Variants in PHYKPL observed in about 807,000 individuals in gnomAD.
The protein encoded by PHYKPL is 5-phosphohydroxy-L-lysine phospho-lyase.
In PHYKPL, 42 loss-of-function variants were observed where a neutral mutation model predicts 51.3. The ratio of observed to expected loss-of-function variants is 0.82; its 90% CI spans 0.64 to 1.06. PHYKPL has a LOEUF of 1.06. Ranked by LOEUF, PHYKPL falls within the 50% of genes least tolerant of loss-of-function variation. The pLI is 0.00. For synonymous variants in PHYKPL, 264 were observed against 236.0 expected, an observed-to-expected ratio of 1.12 and a Z score of -1.09; for missense variants, 655 against 586.6, an observed-to-expected ratio of 1.12 and a Z score of -1.20.
chr5:178,209,478 GT>G, intron 12 of PHYKPL: 1 of 1,578,846 alleles, frequency 6.3e-7, no homozygotes, highest in South Asian at 1.1e-5. Flanking sequence ...GATAGGTCCT[GT>G]TTCCCTGCCT....
rs751359897 is a variant in PHYKPL, at chr5:178,222,360, T to TG, written c.921dup (p.Asn308GlnfsTer68). On this transcript the variant is annotated frameshift_variant, in exon 8 of 13. Transcript: ENST00000308158. LOFTEE classifies it high-confidence loss of function. ...GACTTAGAGCCATCACTCACCGTGT[T>TG]GAAGTACTCAACGCCGGTGGCTTCA... 1 of 1,611,344 alleles carries TG rather than the reference T, an allele frequency of 6.2e-7. No homozygotes were observed. The highest frequency in any genetic ancestry group is 1.3e-5 in the African/African-American group (1 of 75,028).
chr5:178,229,790 G>T, intron 3 of PHYKPL, 150 bp downstream of exon 3: 2 of 892,714 alleles, frequency 2.2e-6, no homozygotes, highest in Non-Finnish European at 3.3e-6. Context: ...AAGCATCAGG[G>T]CCTACAGCCG....
At chr5:178,209,270 T>C in intron 12 of PHYKPL, 1 of 1,290,222 alleles carries the variant, frequency 7.8e-7, no homozygotes. Flanking sequence ...TGAAGGTGTT[T>C]GGGCAGTCAC....
At chr5:178,219,606 C>T (rs1327225078) in intron 8 of PHYKPL, among the ~76,000 whole-genome samples, 5 of 151,940 alleles carry the variant, frequency 3.3e-5, no homozygotes, top group East Asian at 2.0e-4. Flanking sequence ...CCCGCCACCA[C>T]GCCCGGCTAA....
At chr5:178,212,330 T>A (rs984405914) in intron 11 of PHYKPL, among the ~76,000 whole-genome samples, 1 of 152,250 alleles carries the variant, frequency 6.6e-6, no homozygotes, top group African/African-American at 2.4e-5. Flanking sequence ...GTAGCAGTGA[T>A]CACCCAGAGG....
chr5:178,213,413 T>C (rs551308302), intron 10 of PHYKPL, among the ~76,000 whole-genome samples: 11 of 152,354 alleles, frequency 7.2e-5, no homozygotes, highest in African/African-American at 2.6e-4. Context: ...AAGAGTCACC[T>C]GCATTCTCTG....
intron 12 of PHYKPL, chr5:178,209,533 G>C: frequency 6.1e-6 from 7 of 1,156,564 alleles, no homozygotes; most frequent in Non-Finnish European, 9.0e-6. Context: ...CTCTGGTGCT[G>C]TGCAGCAGGG....
chr5:178,210,500 G>A (rs1433926483), intron 12 of PHYKPL: 6 of 1,567,382 alleles, frequency 3.8e-6, no homozygotes, highest in African/African-American at 1.4e-5. Context: ...CAAGCGCGTG[G>A]CACAGGGCAA....
chr5:178,230,250 G>A (rs1660506642), intron 2 of PHYKPL, 151 bp from the exon 3 acceptor site: 6 of 925,070 alleles, frequency 6.5e-6, no homozygotes, highest in Non-Finnish European at 9.5e-6. Flanking sequence ...AGCAGGGAGA[G>A]AGAAGCTGGT....
At position 178,224,479 on chromosome 5, in the gene PHYKPL, A is replaced by C. The variant is rs772711899; in HGVS notation, c.587T>G (p.Val196Gly). ...AMAYANEVKR[V>G]VSSAQEKGRK... ...GCCCTTCTCCTGTGCACTGCTGACC[A>C]CACGTTTCACCTCGTTGGCATAGGC... Residue 196 changes from valine (V) to glycine (G), a missense_variant, in exon 6 of 13, where the codon GTG (valine) becomes GGG (glycine). Coordinates refer to ENST00000308158, the MANE Select transcript of PHYKPL (RefSeq NM_153373.4). The C allele has an allele frequency of 3.6e-5, 57 of 1,605,522 alleles. 1 individual carries two copies. Among genetic ancestry groups the C allele is most frequent in the Middle Eastern group, 1.7e-4 (1 of 6,042 alleles).
chr5:178,222,092 G>C (rs1046466954), intron 8 of PHYKPL, among the ~76,000 whole-genome samples: 9 of 152,218 alleles, frequency 5.9e-5, no homozygotes, highest in African/African-American at 2.2e-4. Flanking sequence ...GGTGGCATCT[G>C]CTGAAAGGAA....
Position 178,224,697 on chromosome 5 carries a change from T to A in PHYKPL, c.446A>T (p.Asp149Val). 1 of 1,614,078 alleles carries A rather than the reference T, an allele frequency of 6.2e-7. No individual in the cohort carries two copies. Among genetic ancestry groups the A allele is most frequent in the Non-Finnish European group, 8.5e-7 (1 of 1,179,992 alleles). ...GTTGCGGAACTTGTAGGGACTGATG[T>A]CAATCAGGGAGCTCAGGTGGCCGTG... ...AYHGHLSSLIDISPYKFRNLD... is the reference protein window; with the variant it reads ...AYHGHLSSLIVISPYKFRNLD... Residue 149 changes from aspartate (D) to valine (V), a missense_variant, in exon 5 of 13, where the codon GAC (aspartate) becomes GTC (valine). Transcript: ENST00000308158.
At chr5:178,227,149 G>A (rs1326733992) in intron 3 of PHYKPL, among the ~76,000 whole-genome samples, 2 of 151,602 alleles carry the variant, frequency 1.3e-5, no homozygotes, top group Admixed American at 6.6e-5. Context: ...GGAGATAAGA[G>A]AGGTGATTAC....
At chr5:178,227,635 C>T (rs1233821205) in intron 3 of PHYKPL, among the ~76,000 whole-genome samples, 1 of 152,152 alleles carries the variant, frequency 6.6e-6, no homozygotes, top group Non-Finnish European at 1.5e-5. Context: ...ATGCAGGGGA[C>T]ATGTGCACAG....
At chr5:178,227,479 G>A (rs1297082071) in intron 3 of PHYKPL, among the ~76,000 whole-genome samples, 2 of 152,254 alleles carry the variant, frequency 1.3e-5, no homozygotes, top group African/African-American at 4.8e-5. Context: ...CATGTACTGA[G>A]TCTTGAGGGA....
At chr5:178,223,282 C>T (rs1385970796) in intron 6 of PHYKPL, 4 of 432,496 alleles carry the variant, frequency 9.2e-6, no homozygotes, top group Non-Finnish European at 1.8e-5. Context: ...CCTCAGCCCC[C>T]TCTCTAAACC....
Position 178,210,224 on chromosome 5 carries a change from G to A in PHYKPL, c.*32-1309C>T, listed in dbSNP as rs199566621. The stretch of plus-strand genomic sequence containing the variant: ...CTACGGGCCTGGCTATGGCGGCTAC[G>A]ACTACTCGCCCTATGGCTATTACGG... On this transcript the variant is annotated intron_variant, in intron 12 of 12. Transcript: ENST00000308158. 19 of 1,613,270 alleles carry A rather than the reference G, an allele frequency of 1.2e-5. No homozygotes were observed. The highest frequency in any genetic ancestry group is 1.2e-4 in the Admixed American group (7 of 60,006).
intron 8 of PHYKPL, among the ~76,000 whole-genome samples, chr5:178,220,071 G>A (rs780197882): frequency 5.9e-5 from 9 of 151,574 alleles, no homozygotes; most frequent in African/African-American, 1.5e-4. Context: ...AGCATGCACC[G>A]GTGGTCCCAG....
intron 10 of PHYKPL, 92 bp from the exon 11 acceptor site, chr5:178,213,195 C>T: frequency 1.3e-6 from 2 of 1,526,572 alleles, no homozygotes; most frequent in Admixed American, 1.8e-5. Flanking sequence ...ACACTGTCCT[C>T]AGAGCCTTCC....
Sources: gnomAD v4.1 joint callset for allele counts (sites outside exome capture counted in the v4.1 genomes callset) on GRCh38, gnomAD v4.1.1 for gene constraint, MANE v1.5 for transcripts, NCBI Gene and HGNC (gene_info 2026-07-23, HGNC 2026-07-21) for gene names.